Variants in RABGEF1 observed in about 807,000 individuals in gnomAD.
RABGEF1 encodes the protein RAB guanine nucleotide exchange factor 1.
A neutral mutation model predicts 57.3 loss-of-function variants in RABGEF1; 26 were observed. The observed-to-expected ratio is 0.45, with a 90% CI of 0.33 to 0.63. The LOEUF (loss-of-function observed/expected upper bound fraction) is 0.63, where lower values mean the gene tolerates loss of function less well. Among genes scored for constraint, RABGEF1 ranks in the 20% least tolerant of loss-of-function variants. RABGEF1 has a pLI of 0.02. For synonymous variants in RABGEF1, 185 were observed against 210.7 expected, an observed-to-expected ratio of 0.88 and a Z score of 1.06; for missense variants, 464 against 607.6, an observed-to-expected ratio of 0.76 and a Z score of 2.48.
intron 2 of RABGEF1, among the ~76,000 whole-genome samples, chr7:66,731,280 A>G (rs1797279316): frequency 6.6e-6 from 1 of 152,224 alleles, no homozygotes; most frequent in East Asian, 1.9e-4. Flanking sequence ...GGTGGGTGTC[A>G]GGGAACCAGG....
At chr7:66,660,010 G>GA in the RABGEF1 span, among the ~76,000 whole-genome samples, 65 of 142,952 alleles carry the variant, frequency 4.5e-4, no homozygotes, top group Non-Finnish European at 4.6e-4. Context: ...GATTGACTAA[G>GA]AAAAAAAAAA....
chr7:66,731,485 C>T (rs1018561392), intron 2 of RABGEF1, among the ~76,000 whole-genome samples: 25 of 151,822 alleles, frequency 1.6e-4, no homozygotes, highest in African/African-American at 1.7e-4. Flanking sequence ...GGGAGGCCAC[C>T]GCAGGTGGAT....
intron 6 of RABGEF1, 70 bp downstream of exon 6, chr7:66,797,576 A>C: frequency 6.6e-7 from 1 of 1,516,310 alleles, no homozygotes; most frequent in Non-Finnish European, 9.0e-7. Context: ...GGGGAAAATA[A>C]TGCACCTGTG....
chr7:66,756,183 C>T (rs1802668049), intron 1 of RABGEF1: 2 of 632,364 alleles, frequency 3.2e-6, no homozygotes, highest in Admixed American at 3.5e-5. Context: ...TATACTAGTG[C>T]TAATAAATAT....
chr7:66,716,266 A>G (rs140675140), intron 2 of RABGEF1, among the ~76,000 whole-genome samples: 1 of 152,294 alleles, frequency 6.6e-6, no homozygotes, highest in African/African-American at 2.4e-5. Context: ...TACGTAACAT[A>G]TCTTTTTCCA....
chr7:66,799,632 G>C (rs1786822357), intron 7 of RABGEF1, among the ~76,000 whole-genome samples: 1 of 152,016 alleles, frequency 6.6e-6, no homozygotes, highest in East Asian at 1.9e-4. Context: ...CTCGTTTCTT[G>C]GGCATTAAAC....
intron 1 of RABGEF1, among the ~76,000 whole-genome samples, chr7:66,757,564 A>G (rs573733784): frequency 2.0e-5 from 3 of 152,362 alleles, no homozygotes; most frequent in Admixed American, 1.3e-4. Context: ...CAGAGGGAAC[A>G]CTATAGGAAT....
intron 3 of RABGEF1, among the ~76,000 whole-genome samples, chr7:66,776,571 T>C (rs2129126374): frequency 6.6e-6 from 1 of 152,146 alleles, no homozygotes; most frequent in Middle Eastern, 3.4e-3. Flanking sequence ...CATGTGCCTG[T>C]AGTTCCAGCT....
intron 1 of RABGEF1, among the ~76,000 whole-genome samples, chr7:66,709,011 T>TA (rs1399134928): frequency 1.3e-5 from 2 of 151,924 alleles, no homozygotes; most frequent in Non-Finnish European, 2.9e-5. Flanking sequence ...GACCTTATTT[T>TA]AATTTTTTTT....
At position 66,705,492 on chromosome 7, in the gene RABGEF1, G is replaced by C. The variant is rs1042130968; in HGVS notation, c.-872-6675G>C. Among the ~76,000 whole-genome samples the C allele has an allele frequency of 5.1e-5, 6 of 117,338 alleles. No homozygotes were observed. In the Admixed American group the frequency reaches 5.2e-4, roughly 10 times the overall value. The allele number at this position is 117,338 out of a possible 152,430, so 77.0% of individuals were successfully genotyped here. On this transcript the variant is annotated intron_variant and NMD_transcript_variant, in intron 1 of 9. Transcript: ENST00000607882. ...GAGAGAGAGAGAGAGAGAGAGGAGG[G>C]GGGAGGGGGAGGAAGCAGAGGAGGA...
the RABGEF1 span, chr7:66,669,378 T>C: frequency 6.6e-6 from 1 of 152,156 alleles, no homozygotes; most frequent in Non-Finnish European, 1.5e-5. Flanking sequence ...GGCGCCAATA[T>C]GGGGTAACTC....
the RABGEF1 span, among the ~76,000 whole-genome samples, chr7:66,657,508 T>C: frequency 6.6e-6 from 1 of 152,238 alleles, no homozygotes; most frequent in Non-Finnish European, 1.5e-5. Flanking sequence ...GGGAAATGTT[T>C]AGCTGTAAGC....
At chr7:66,670,433 A>ATTTTT in the RABGEF1 span, among the ~76,000 whole-genome samples, 16 of 116,062 alleles carry the variant, frequency 1.4e-4, no homozygotes, top group African/African-American at 3.4e-4. Context: ...GAATGAGATG[A>ATTTTT]TTTTTTTTTT....
chr7:66,810,054 CTCAT>C lies in RABGEF1; in HGVS notation c.*778_*781del, dbSNP rs1289765347. 1 of 152,172 alleles carries C rather than the reference CTCAT, an allele frequency of 6.6e-6. No individual in the cohort carries two copies. Among genetic ancestry groups the C allele is most frequent in the African/African-American group, 2.4e-5 (1 of 41,434 alleles). 9.4% of individuals were successfully genotyped at this position (152,172 alleles called of 1,614,324 possible). A position where few individuals can be genotyped will look rare whatever the true frequency, so the allele number is the denominator to read the frequency against. On this transcript the variant is annotated 3_prime_UTR_variant, in exon 9 of 9. Transcript: ENST00000284957. ...AACTATGCTTCTAGCTTATTTTTCC[CTCAT>C]TCATTCAGCAAATCTCTATTGAGTT...
At chr7:66,806,447 CAT>C (rs1788457606) in intron 8 of RABGEF1, among the ~76,000 whole-genome samples, 1 of 152,100 alleles carries the variant, frequency 6.6e-6, no homozygotes. Flanking sequence ...TGTTCAGCTA[CAT>C]GTTACTGTAG....
At chr7:66,717,287 G>C (rs1317369670) in intron 2 of RABGEF1, among the ~76,000 whole-genome samples, 1 of 152,128 alleles carries the variant, frequency 6.6e-6, no homozygotes, top group Non-Finnish European at 1.5e-5. Flanking sequence ...CTTGTAAAAT[G>C]TAGGAACCTG....
intron 1 of RABGEF1, among the ~76,000 whole-genome samples, chr7:66,749,581 G>A (rs1184257538): frequency 6.6e-6 from 1 of 152,104 alleles, no homozygotes. Context: ...GAGGATTGCC[G>A]GAGGTCAGGT....
At chr7:66,765,744 G>A (rs998159434) in intron 1 of RABGEF1, among the ~76,000 whole-genome samples, 1 of 152,100 alleles carries the variant, frequency 6.6e-6, no homozygotes, top group Non-Finnish European at 1.5e-5. Flanking sequence ...TCCAAAACTC[G>A]AAGCAAAAGA....
rs964662912 is a variant in RABGEF1, at chr7:66,811,137, G to A, written c.*1853G>A. 4 of 151,302 alleles carry A rather than the reference G, an allele frequency of 2.6e-5. No homozygotes were observed. Among genetic ancestry groups the A allele is most frequent in the Admixed American group, 6.6e-5 (1 of 15,178 alleles). The allele number at this position is 151,302 out of a possible 1,614,324, so 9.4% of individuals were successfully genotyped here. ...TAATTCCTTTGGAAATACACAGTTCGTTTAGTTACTGTACACTCTGTTTGT... is the reference window on the plus strand; with the variant it reads ...TAATTCCTTTGGAAATACACAGTTCATTTAGTTACTGTACACTCTGTTTGT... On this transcript the variant is annotated 3_prime_UTR_variant, in exon 9 of 9. Transcript: ENST00000284957.
Sources: allele counts gnomAD v4.1 joint callset (sites outside exome capture counted in the v4.1 genomes callset), GRCh38; gene constraint gnomAD v4.1.1; transcripts MANE v1.5; gene names NCBI Gene and HGNC (gene_info 2026-07-23, HGNC 2026-07-21).